ROBO1: variants seen among roughly 807,000 people sequenced by gnomAD.
The protein encoded by ROBO1 is roundabout guidance receptor 1, also known as roundabout homolog 1.
ROBO1 carries 149 observed loss-of-function variants against 195.9 expected under a neutral mutation model. The observed-to-expected ratio is 0.76, with a 90% CI of 0.67 to 0.87. The LOEUF is 0.87. ROBO1 is among the 40% of genes least tolerant of loss of function. ROBO1 has a pLI of 0.00. For missense variants in ROBO1, 1,933 were observed against 2,068.3 expected (o/e 0.93, Z 1.27); for synonymous variants, 816 against 733.2 (o/e 1.11, Z -1.82).
intron 1 of ROBO1, among the ~76,000 whole-genome samples, chr3:79,612,027 T>C (rs947685799): frequency 7.6e-6 from 1 of 131,036 alleles, no homozygotes; most frequent in Non-Finnish European, 1.6e-5. Flanking sequence ...TATTATCTTT[T>C]TTTTTATTAT....
At chr3:79,125,720 GCAT>G (rs2080203850) in intron 2 of ROBO1, among the ~76,000 whole-genome samples, 181 bp from the exon 3 acceptor site, 2 of 152,136 alleles carry the variant, frequency 1.3e-5, no homozygotes, top group African/African-American at 4.8e-5. Context: ...GAAGGTCTCA[GCAT>G]CATGGTTTTT....
At chr3:79,676,968 C>A (rs374685137) in intron 1 of ROBO1, among the ~76,000 whole-genome samples, 29 of 151,990 alleles carry the variant, frequency 1.9e-4, no homozygotes, top group South Asian at 1.2e-3. Flanking sequence ...CTCTTGGGAA[C>A]CTTGGGATTG....
At chr3:79,680,094 T>C (rs1946900166) in intron 1 of ROBO1, among the ~76,000 whole-genome samples, 1 of 152,048 alleles carries the variant, frequency 6.6e-6, no homozygotes, top group African/African-American at 2.4e-5. Context: ...GTCCTCACAC[T>C]GTGACCTAGG....
rs371284954 is a variant in ROBO1, at chr3:78,759,990, C to T, written c.500-13090G>A. On this transcript the variant is annotated intron_variant, in intron 4 of 30. Coordinates refer to ENST00000464233, the MANE Select transcript of ROBO1 (RefSeq NM_002941.4). The stretch of plus-strand genomic sequence containing the variant: ...ACGCTGATGTGGTTTGACTGTATTC[C>T]CACGTGTTGTGGGAGGAACCCAGTG... Among the ~76,000 whole-genome samples, 7 of 152,166 alleles carry T rather than the reference C, an allele frequency of 4.6e-5. No individual in the cohort carries two copies. The East Asian group carries it at 1.4e-3, about 29-fold the overall frequency.
At chr3:78,832,270 C>A (rs1375898847) in intron 4 of ROBO1, among the ~76,000 whole-genome samples, 1 of 152,132 alleles carries the variant, frequency 6.6e-6, no homozygotes, top group Non-Finnish European at 1.5e-5. Context: ...TTTTCTCAAC[C>A]TTTCTCCACA....
intron 26 of ROBO1, among the ~76,000 whole-genome samples, chr3:78,620,951 A>G: frequency 6.6e-6 from 1 of 151,124 alleles, no homozygotes. Flanking sequence ...CAGATGTATT[A>G]AAAAACTAAG....
intron 1 of ROBO1, among the ~76,000 whole-genome samples, chr3:79,684,727 G>A (rs1254828154): frequency 1.3e-5 from 2 of 152,088 alleles, no homozygotes; most frequent in Non-Finnish European, 2.9e-5. Flanking sequence ...CCAGACTGGA[G>A]TGCAGTGACG....
At chr3:79,082,425 C>A (rs907242685) in intron 3 of ROBO1, among the ~76,000 whole-genome samples, 3 of 152,028 alleles carry the variant, frequency 2.0e-5, no homozygotes, top group African/African-American at 7.2e-5. Context: ...TTTTTACAAG[C>A]ATAACACCTA....
chr3:78,923,546 T>C (rs1225894519), intron 4 of ROBO1, among the ~76,000 whole-genome samples: 2 of 152,100 alleles, frequency 1.3e-5, no homozygotes, highest in Non-Finnish European at 2.9e-5. Context: ...TACTCTATAG[T>C]AGTCTCCGCT....
chr3:78,823,773 C>T lies in ROBO1; in HGVS notation c.500-76873G>A, dbSNP rs190931408. Among the ~76,000 whole-genome samples the T allele has an allele frequency of 3.8e-4, 58 of 152,278 alleles. 2 individuals carry two copies. The highest frequency in any genetic ancestry group is 2.4e-3 in the Admixed American group (36 of 15,292). On this transcript the variant is annotated intron_variant, in intron 4 of 30. Transcript: ENST00000464233. ...CCCTTTTTGTTTCAGATATGTGTCA[C>T]CTCATTAGGGATTTCTTTTCCCTGA...
chr3:79,400,389 A>C (rs1190569879), intron 2 of ROBO1, among the ~76,000 whole-genome samples: 2 of 152,104 alleles, frequency 1.3e-5, no homozygotes, highest in African/African-American at 4.8e-5. Flanking sequence ...TACATGACAA[A>C]TTTAGCGTAT....
At chr3:79,626,432 T>C (rs1023686132) in intron 1 of ROBO1, among the ~76,000 whole-genome samples, 1 of 151,860 alleles carries the variant, frequency 6.6e-6, no homozygotes, top group African/African-American at 2.4e-5. Context: ...CAAGACTCCA[T>C]CAAAAACAAA....
chr3:78,783,940 T>G (rs1390995988), intron 4 of ROBO1, among the ~76,000 whole-genome samples: 1 of 152,134 alleles, frequency 6.6e-6, no homozygotes, highest in African/African-American at 2.4e-5. Flanking sequence ...TTGAGAAATA[T>G]AAAACATTAT....
At chr3:79,020,407 A>G (rs1210633694) in intron 3 of ROBO1, among the ~76,000 whole-genome samples, 2 of 152,120 alleles carry the variant, frequency 1.3e-5, no homozygotes, top group Admixed American at 1.3e-4. Context: ...AATAGGACAC[A>G]GTGGCCAGGC....
intron 3 of ROBO1, among the ~76,000 whole-genome samples, chr3:79,070,085 T>C (rs2079062253): frequency 6.6e-6 from 1 of 151,622 alleles, no homozygotes; most frequent in Non-Finnish European, 1.5e-5. Context: ...TTAAAAGATG[T>C]ATATCTGATT....
rs900231597 is a variant in ROBO1, at chr3:79,104,066, A to G, written c.172+21390T>C. 4.0e-5 allele frequency among the ~76,000 whole-genome samples: 6 copies of G among 151,722 alleles called. No individual in the cohort carries two copies. In the Admixed American group the frequency reaches 4.0e-4, roughly 10 times the overall value. On this transcript the variant is annotated intron_variant, in intron 3 of 30. Coordinates refer to ENST00000464233, the MANE Select transcript of ROBO1 (RefSeq NM_002941.4). ...TCATCTGATAGAGACTTTAAGACAAAACACCAGTGTTTTATCTCCGACCTA... is the reference window on the plus strand; with the variant it reads ...TCATCTGATAGAGACTTTAAGACAAGACACCAGTGTTTTATCTCCGACCTA...
At chr3:78,944,204 C>A (rs2040291510) in intron 3 of ROBO1, among the ~76,000 whole-genome samples, 1 of 152,226 alleles carries the variant, frequency 6.6e-6, no homozygotes, top group South Asian at 2.1e-4. Flanking sequence ...AAAGTCCTTG[C>A]TCTTTCCAAC....
chr3:79,135,908 A>C (rs2108598258), intron 2 of ROBO1, among the ~76,000 whole-genome samples: 1 of 152,194 alleles, frequency 6.6e-6, no homozygotes, highest in South Asian at 2.1e-4. Context: ...AAGTGCTGGG[A>C]TTTACAGGCG....
chr3:79,551,168 TC>T (rs540537231), intron 2 of ROBO1, among the ~76,000 whole-genome samples: 12 of 152,162 alleles, frequency 7.9e-5, no homozygotes, highest in Admixed American at 7.2e-4. Context: ...TGTTTTTTTT[TC>T]TTTCAACTTT....
Sources: gnomAD v4.1 joint callset for allele counts (sites outside exome capture counted in the v4.1 genomes callset) on GRCh38, gnomAD v4.1.1 for gene constraint, MANE v1.5 for transcripts, NCBI Gene and HGNC (gene_info 2026-07-23, HGNC 2026-07-21) for gene names.